Variants in SLC4A1AP observed in about 807,000 individuals in gnomAD.
SLC4A1AP encodes the protein kanadaptin.
In SLC4A1AP, 64 loss-of-function variants were observed where a neutral mutation model predicts 89.7. The observed-to-expected ratio is 0.71, with a 90% CI of 0.58 to 0.88. The LOEUF (loss-of-function observed/expected upper bound fraction) is 0.88, where lower values mean the gene tolerates loss of function less well. SLC4A1AP is among the 40% of genes least tolerant of loss of function. The pLI is 0.00. For missense variants in SLC4A1AP, 931 were observed against 965.0 expected, an observed-to-expected ratio of 0.96 and a Z score of 0.47; for synonymous variants, 366 against 353.3, an observed-to-expected ratio of 1.04 and a Z score of -0.40.
intron 10 of SLC4A1AP, among the ~76,000 whole-genome samples, chr2:27,685,549 A>G (rs558751611): frequency 6.6e-6 from 1 of 152,190 alleles, no homozygotes; most frequent in Non-Finnish European, 1.5e-5. Flanking sequence ...GCTGCTGTGG[A>G]ATAATCCTGA....
intron 10 of SLC4A1AP, among the ~76,000 whole-genome samples, chr2:27,686,908 C>A (rs1036915083): frequency 3.9e-5 from 6 of 151,990 alleles, no homozygotes; most frequent in African/African-American, 1.2e-4. Context: ...TACTTTGTTA[C>A]CCAGGTTGGA....
intron 5 of SLC4A1AP, among the ~76,000 whole-genome samples, chr2:27,671,387 A>G (rs183260605): frequency 4.9e-4 from 74 of 152,268 alleles, no homozygotes; most frequent in African/African-American, 1.6e-3. Flanking sequence ...TGTTTTTCCT[A>G]AGGGTAATAA....
At chr2:27,678,049 G>C in intron 8 of SLC4A1AP, 125 bp downstream of exon 8, 1 of 612,228 alleles carries the variant, frequency 1.6e-6, no homozygotes, top group Non-Finnish European at 2.6e-6. Flanking sequence ...ACCCTTTAAA[G>C]CACAGAAAGC....
At chr2:27,688,893 C>T (rs1469322464) in intron 12 of SLC4A1AP, 126 bp downstream of exon 12, 1 of 617,096 alleles carries the variant, frequency 1.6e-6, no homozygotes, top group Non-Finnish European at 2.7e-6. Context: ...TCCTAGAAAT[C>T]TAGATTCTTT....
chr2:27,664,941 C>G (rs1675284416), intron 1 of SLC4A1AP, among the ~76,000 whole-genome samples, 159 bp from the exon 2 acceptor site: 1 of 151,924 alleles, frequency 6.6e-6, no homozygotes, highest in African/African-American at 2.4e-5. Flanking sequence ...ATCATGGTCC[C>G]AGCTGCTCAG....
exon 4 of SLC4A1AP, chr2:27,668,874 G>C: frequency 6.2e-7 from 1 of 1,614,106 alleles, no homozygotes; most frequent in Non-Finnish European, 8.5e-7. Context: ...TTGATGAACA[G>C]GGACATAGCA....
exon 1 of SLC4A1AP, chr2:27,664,371 T>C (rs772860956): frequency 3.1e-6 from 5 of 1,614,176 alleles, no homozygotes; most frequent in Non-Finnish European, 3.4e-6. Flanking sequence ...CCCTTCGGTG[T>C]CTCGGTACCA....
chr2:27,684,181 C>G (rs542407855), intron 9 of SLC4A1AP, among the ~76,000 whole-genome samples: 26 of 152,238 alleles, frequency 1.7e-4, no homozygotes, highest in South Asian at 4.1e-4. Flanking sequence ...TATCCCAGCA[C>G]TTTGGGAGGC....
intron 3 of SLC4A1AP, 113 bp from the exon 4 acceptor site, chr2:27,668,730 G>T (rs1241522666): frequency 1.0e-6 from 1 of 978,664 alleles, no homozygotes; most frequent in Non-Finnish European, 1.6e-6. Context: ...GATTACAGGC[G>T]TGAGCCACTG....
Position 27,693,669 on chromosome 2 carries a change from C to G in SLC4A1AP, c.2272-16C>G, listed in dbSNP as rs1675826322. The G allele has an allele frequency of 1.9e-6, 3 of 1,577,416 alleles. No individual in the cohort carries two copies. Among genetic ancestry groups the G allele is most frequent in the Non-Finnish European group, 2.6e-6 (3 of 1,157,902 alleles). On this transcript the variant is annotated splice_polypyrimidine_tract_variant and intron_variant, in intron 12 of 13. Transcript: ENST00000613058. Reference sequence around the variant, plus strand: ...AGAAATTCTTGTGAATAAAACAATCCATCTTTTCTTTTTAGCTTCCACCAA... The same window carrying G: ...AGAAATTCTTGTGAATAAAACAATCGATCTTTTCTTTTTAGCTTCCACCAA...
At chr2:27,681,888 G>A (rs1220908244) in intron 8 of SLC4A1AP, among the ~76,000 whole-genome samples, 4 of 152,096 alleles carry the variant, frequency 2.6e-5, no homozygotes, top group Admixed American at 2.0e-4. Context: ...ACACTCTTCA[G>A]AGGTTGGTGG....
intron 5 of SLC4A1AP, 47 bp downstream of exon 5, chr2:27,669,434 C>G: frequency 6.9e-7 from 1 of 1,454,388 alleles, no homozygotes; most frequent in Non-Finnish European, 9.1e-7. Flanking sequence ...AAAAGGAAAA[C>G]TCAACACAAA....
intron 4 of SLC4A1AP, 90 bp downstream of exon 4, chr2:27,668,993 T>A (rs1261600716): frequency 5.4e-6 from 7 of 1,302,844 alleles, no homozygotes; most frequent in Non-Finnish European, 5.4e-6. Flanking sequence ...AAAGAGTAAC[T>A]TTCATCTAAG....
intron 3 of SLC4A1AP, chr2:27,668,561 G>A (rs576596310): frequency 3.4e-6 from 2 of 582,658 alleles, no homozygotes; most frequent in Admixed American, 2.2e-5. Flanking sequence ...GCTATGCTCC[G>A]GCCTTAGCCC....
At chr2:27,671,163 C>T (rs931972092) in intron 5 of SLC4A1AP, among the ~76,000 whole-genome samples, 4 of 151,948 alleles carry the variant, frequency 2.6e-5, no homozygotes, top group African/African-American at 4.8e-5. Context: ...CCTCATGATC[C>T]GCCTGCCTTG....
chr2:27,674,254 T>TG (rs927520478), intron 5 of SLC4A1AP, among the ~76,000 whole-genome samples: 1 of 152,014 alleles, frequency 6.6e-6, no homozygotes, highest in African/African-American at 2.4e-5. Context: ...CCAGATAAAA[T>TG]GGGGGAGGAA....
exon 13 of SLC4A1AP, chr2:27,693,730 T>C: frequency 6.2e-7 from 1 of 1,612,652 alleles, no homozygotes; most frequent in Non-Finnish European, 8.5e-7. Flanking sequence ...TGACCCAGAC[T>C]ACTGTGTGTG....
chr2:27,682,130 T>TCTC, intron 8 of SLC4A1AP, 118 bp from the exon 9 acceptor site: 1 of 637,312 alleles, frequency 1.6e-6, no homozygotes, highest in Middle Eastern at 3.8e-4. Context: ...TATGCTTAGA[T>TCTC]ATTCATTTTG....
At chr2:27,684,979 T>A in intron 9 of SLC4A1AP, 58 bp from the exon 10 acceptor site, 1 of 1,529,794 alleles carries the variant, frequency 6.5e-7, no homozygotes, top group Non-Finnish European at 8.8e-7. Flanking sequence ...CTTGAAAAGA[T>A]TTTTCTCTTG....
Sources: gnomAD v4.1 joint callset for allele counts (sites outside exome capture counted in the v4.1 genomes callset) on GRCh38, gnomAD v4.1.1 for gene constraint, MANE v1.5 for transcripts, NCBI Gene and HGNC (gene_info 2026-07-23, HGNC 2026-07-21) for gene names.